Variants in AKR1C3 observed in about 807,000 individuals in gnomAD.
AKR1C3 encodes 3-alpha hydroxysteroid dehydrogenase, type II.
In AKR1C3, 48 loss-of-function variants were observed where a neutral mutation model predicts 43.6. That is an observed-to-expected ratio of 1.10 (90% CI 0.87 to 1.40). AKR1C3 has a LOEUF of 1.40. Ranked by LOEUF, AKR1C3 falls within the 40% of genes most tolerant of loss-of-function variation. AKR1C3 has a pLI of 0.00. For missense variants in AKR1C3, 482 were observed against 391.2 expected, an observed-to-expected ratio of 1.23 and a Z score of -1.96; for synonymous variants, 162 against 139.6, an observed-to-expected ratio of 1.16 and a Z score of -1.13.
intron 1 of AKR1C3, among the ~76,000 whole-genome samples, chr10:5,062,346 G>T (rs1321288176): frequency 1.3e-5 from 2 of 152,140 alleles, no homozygotes; most frequent in South Asian, 2.1e-4. Flanking sequence ...GAGTGCCCTA[G>T]GCCAATTTCG....
intron 4 of AKR1C3, 133 bp downstream of exon 4, chr10:5,099,012 T>G (rs1303557459): frequency 1.1e-6 from 1 of 879,716 alleles, no homozygotes; most frequent in African/African-American, 1.7e-5. Flanking sequence ...GTAGCTTTGG[T>G]GAGATGAAGG....
At chr10:5,071,284 G>A (rs1838608442) in intron 1 of AKR1C3, among the ~76,000 whole-genome samples, 1 of 152,178 alleles carries the variant, frequency 6.6e-6, no homozygotes, top group African/African-American at 2.4e-5. Context: ...AGGAGAGTAA[G>A]AGATCAGGAG....
At chr10:5,096,758 G>A (rs1446453064) in intron 2 of AKR1C3, among the ~76,000 whole-genome samples, 181 bp downstream of exon 2, 1 of 151,988 alleles carries the variant, frequency 6.6e-6, no homozygotes, top group Non-Finnish European at 1.5e-5. Context: ...TTTTCATTTT[G>A]GCTGTGTTCC....
Position 5,096,408 on chromosome 10 carries a change from AG to A in AKR1C3, c.85del. 1 of 1,612,510 alleles carries A rather than the reference AG, an allele frequency of 6.2e-7. No individual in the cohort carries two copies. Among genetic ancestry groups the A allele is most frequent in the South Asian group, 1.1e-5 (1 of 90,892 alleles). On this transcript the variant is annotated splice_acceptor_variant, in intron 1 of 8. Coordinates refer to ENST00000380554, the MANE Select transcript of AKR1C3 (RefSeq NM_003739.6). LOFTEE classifies it high-confidence loss of function. The stretch of plus-strand genomic sequence containing the variant: ...AGATACTACCTTTGGTTGCTCCTCC[AG>A]GTTCCGAGAAGTAAAGCTTTGGAGG...
At chr10:5,104,370 T>C (rs1328566799) in intron 7 of AKR1C3, among the ~76,000 whole-genome samples, 2 of 124,990 alleles carry the variant, frequency 1.6e-5, no homozygotes, top group Non-Finnish European at 1.7e-5. Flanking sequence ...CATTCACATT[T>C]GCTCACATAT....
At chr10:5,066,236 G>A (rs561532107) in intron 1 of AKR1C3, among the ~76,000 whole-genome samples, 35 of 152,298 alleles carry the variant, frequency 2.3e-4, no homozygotes, top group South Asian at 1.5e-3. Flanking sequence ...TAGAACTAGC[G>A]ACTCCATTTT....
At chr10:5,104,785 T>A (rs1554786811) in intron 7 of AKR1C3, among the ~76,000 whole-genome samples, 1 of 152,172 alleles carries the variant, frequency 6.6e-6, no homozygotes, top group South Asian at 2.1e-4. Context: ...CCATATGTAT[T>A]TTTAAATATT....
intron 1 of AKR1C3, among the ~76,000 whole-genome samples, chr10:5,056,238 G>A (rs1838259296): frequency 6.6e-6 from 1 of 152,150 alleles, no homozygotes; most frequent in Non-Finnish European, 1.5e-5. Flanking sequence ...CATGTAAGTT[G>A]GGATGTGTGG....
At chr10:5,049,852 A>G (rs1433325635) in intron 1 of AKR1C3, among the ~76,000 whole-genome samples, 2 of 152,214 alleles carry the variant, frequency 1.3e-5, no homozygotes, top group Admixed American at 1.3e-4. Flanking sequence ...ATTTAGGACT[A>G]TATATGTAAC....
intron 7 of AKR1C3, among the ~76,000 whole-genome samples, chr10:5,103,156 G>A (rs1338821538): frequency 4.6e-5 from 7 of 152,132 alleles, no homozygotes; most frequent in Non-Finnish European, 1.0e-4. Context: ...CTCCCAAAGT[G>A]GTACTACAGG....
chr10:5,058,009 G>T (rs970846189), intron 1 of AKR1C3, among the ~76,000 whole-genome samples: 1 of 152,264 alleles, frequency 6.6e-6, no homozygotes, highest in Non-Finnish European at 1.5e-5. Flanking sequence ...AGAGGGAGAA[G>T]GGGACATGTA....
At chr10:5,100,443 A>AT (rs1839318915) in intron 5 of AKR1C3, among the ~76,000 whole-genome samples, 2 of 152,210 alleles carry the variant, frequency 1.3e-5, no homozygotes, top group South Asian at 4.1e-4. Context: ...TCATCCAATC[A>AT]GTTGTTTAAA....
chr10:5,098,406 A>C (rs1484477264), intron 3 of AKR1C3, among the ~76,000 whole-genome samples: 2 of 152,188 alleles, frequency 1.3e-5, no homozygotes, highest in Non-Finnish European at 2.9e-5. Flanking sequence ...CTGCCCAAAG[A>C]CTATCAACTC....
intron 1 of AKR1C3, among the ~76,000 whole-genome samples, chr10:5,056,692 C>T (rs1176339928): frequency 2.0e-5 from 3 of 152,176 alleles, no homozygotes; most frequent in Admixed American, 2.0e-4. Flanking sequence ...GGTTGATTCC[C>T]TCCTCAAGTA....
intron 1 of AKR1C3, among the ~76,000 whole-genome samples, chr10:5,083,191 G>A (rs1838873518): frequency 6.6e-6 from 1 of 151,872 alleles, no homozygotes; most frequent in South Asian, 2.1e-4. Context: ...TTGTCATTTA[G>A]CATTAGATAT....
chr10:5,074,748 T>A lies in AKR1C3; in HGVS notation c.85-21662T>A, dbSNP rs1838676839. On this transcript the variant is annotated intron_variant, in intron 1 of 8. Coordinates refer to the AKR1C3 transcript ENST00000439082. ...GAAAGGCTACCCACCTCCCCCATAT[T>A]TTGTCCACAAGGAAATTCCTGGTGA... is the stretch of plus-strand genomic sequence containing the variant. 2.0e-5 allele frequency among the ~76,000 whole-genome samples: 3 copies of A among 152,144 alleles called. No individual in the cohort carries two copies. The South Asian group carries it at 6.2e-4, about 32-fold the overall frequency.
intron 1 of AKR1C3, among the ~76,000 whole-genome samples, chr10:5,083,895 C>A (rs1554782674): frequency 1.3e-5 from 2 of 152,208 alleles, no homozygotes; most frequent in Non-Finnish European, 1.5e-5. Context: ...AGTGTCTGTT[C>A]ATATACTTTG....
intron 1 of AKR1C3, 126 bp downstream of exon 1, chr10:5,094,654 AGGCTAGG>A: frequency 9.8e-7 from 1 of 1,018,696 alleles, no homozygotes; most frequent in Admixed American, 2.1e-5. Context: ...TAGGTTTCCT[AGGCTAGG>A]AGAAAAAAGT....
At chr10:5,086,814 C>G (rs1265824824) in intron 1 of AKR1C3, among the ~76,000 whole-genome samples, 4 of 152,114 alleles carry the variant, frequency 2.6e-5, no homozygotes, top group African/African-American at 4.8e-5. Flanking sequence ...TGAATTGATC[C>G]TTTTACCATT....
Sources: gnomAD v4.1 joint callset for allele counts (sites outside exome capture counted in the v4.1 genomes callset) on GRCh38, gnomAD v4.1.1 for gene constraint, MANE v1.5 for transcripts, NCBI Gene and HGNC (gene_info 2026-07-23, HGNC 2026-07-21) for gene names.